Variants in PBLD observed in about 807,000 individuals in gnomAD.
PBLD encodes the protein phenazine biosynthesis-like domain-containing protein.
Under a neutral mutation model 31.3 loss-of-function variants are expected in PBLD, and 26 were observed. The ratio of observed to expected loss-of-function variants is 0.83; its 90% CI spans 0.61 to 1.15. The LOEUF (loss-of-function observed/expected upper bound fraction) is 1.15, where lower values mean the gene tolerates loss of function less well. PBLD is among the 50% of genes most tolerant of loss of function. PBLD has a pLI of 0.00. For synonymous variants in PBLD, 114 were observed against 129.0 expected, an observed-to-expected ratio of 0.88 and a Z score of 0.79; for missense variants, 307 against 351.7, an observed-to-expected ratio of 0.87 and a Z score of 1.02.
chr10:68,309,914 TCA>T (rs1253894649), intron 1 of PBLD, among the ~76,000 whole-genome samples: 1 of 149,480 alleles, frequency 6.7e-6, no homozygotes, highest in Non-Finnish European at 1.5e-5. Context: ...GGTGGGTGGA[TCA>T]CTTGATGTCA....
chr10:68,289,126 T>G, intron 6 of PBLD, 107 bp from the exon 7 acceptor site: 2 of 807,140 alleles, frequency 2.5e-6, no homozygotes, highest in South Asian at 1.5e-5. Flanking sequence ...GAGCCAAGCA[T>G]GCCCATCGTC....
intron 1 of PBLD, among the ~76,000 whole-genome samples, chr10:68,325,080 C>T (rs372355820): frequency 6.6e-6 from 1 of 150,890 alleles, no homozygotes; most frequent in South Asian, 2.1e-4. Flanking sequence ...CCTGTTTCTA[C>T]TGAAAATACA....
chr10:68,304,040 T>C (rs2044544246), intron 2 of PBLD, among the ~76,000 whole-genome samples: 1 of 152,208 alleles, frequency 6.6e-6, no homozygotes, highest in Non-Finnish European at 1.5e-5. Context: ...CTCTGGCTCC[T>C]AGCCCAGAGC....
In PBLD at chr10:68,288,646, G is replaced by A. The variant is rs761891027; in HGVS notation, c.528C>T (p.Asn176=). 6.2e-7 allele frequency: 1 copy of A among 1,613,894 alleles called. No individual in the cohort carries two copies. Among genetic ancestry groups the A allele is most frequent in the South Asian group, 1.1e-5 (1 of 91,016 alleles). The change falls in exon 8 of 10, where the codon AAC becomes AAT. Residue 176 remains asparagine, a synonymous_variant. Transcript: ENST00000358769. The part of the protein sequence containing the change: ...SDVYNRSFLE[N]LKVNTENLLQ... ...GCAGATTCTCCGTGTTCACTTTCAG[G>A]TTCTCCAGAAACGACCTTGTTCATA...
At position 68,288,591 on chromosome 10, in the gene PBLD, C is replaced by T; in HGVS notation, c.583G>A (p.Gly195Arg). Residue 195 changes from glycine (G) to arginine (R), a missense_variant, in exon 8 of 10, where the codon GGG becomes AGG. By Grantham distance (125) the Gly-to-Arg change is moderately radical. Transcript: ENST00000358769. Reference protein sequence around the residue: ...LQVENTGKVKGLILTLKGEPG... With the variant: ...LQVENTGKVKRLILTLKGEPG... ...TCTCCTTTAAGGGTAAGAATAAGCCCTTTCACCTTCCCTGTGTTTTCAACT... is the reference window on the plus strand; with the variant it reads ...TCTCCTTTAAGGGTAAGAATAAGCCTTTTCACCTTCCCTGTGTTTTCAACT... 2.5e-6 allele frequency: 4 copies of T among 1,614,184 alleles called. 1 individual carries two copies. Among genetic ancestry groups the T allele is most frequent in the South Asian group, 2.2e-5 (2 of 91,076 alleles).
intron 1 of PBLD, among the ~76,000 whole-genome samples, chr10:68,307,199 T>G (rs2044592998): frequency 6.6e-6 from 1 of 151,916 alleles, no homozygotes; most frequent in African/African-American, 2.4e-5. Flanking sequence ...CTGGCTAATT[T>G]CTGTGTTTTT....
intron 1 of PBLD, among the ~76,000 whole-genome samples, chr10:68,326,718 C>A (rs532496461): frequency 7.2e-4 from 110 of 152,252 alleles, no homozygotes; most frequent in Non-Finnish European, 1.1e-3. Flanking sequence ...AATCTCCACC[C>A]CCTATATAAT....
chr10:68,319,102 A>AGG (rs2044789559), intron 1 of PBLD, among the ~76,000 whole-genome samples: 1 of 135,720 alleles, frequency 7.4e-6, no homozygotes, highest in African/African-American at 3.0e-5. Context: ...AAAGAAAGAA[A>AGG]GAAAGAAAGG....
intron 4 of PBLD, among the ~76,000 whole-genome samples, chr10:68,295,550 T>C (rs112863456): frequency 1.1e-4 from 16 of 151,798 alleles, no homozygotes; most frequent in Admixed American, 5.9e-4. Flanking sequence ...TGAATTTCAA[T>C]GTGGGAGCGG....
At chr10:68,312,831 T>C (rs2044688984) in intron 1 of PBLD, among the ~76,000 whole-genome samples, 1 of 151,996 alleles carries the variant, frequency 6.6e-6, no homozygotes, top group Non-Finnish European at 1.5e-5. Context: ...CAGGATGGTC[T>C]CGATCTCCTG....
intron 2 of PBLD, among the ~76,000 whole-genome samples, chr10:68,303,960 G>C (rs1484689747): frequency 6.6e-6 from 1 of 152,134 alleles, no homozygotes; most frequent in Non-Finnish European, 1.5e-5. Flanking sequence ...ATAACGATGG[G>C]TTTACATGCC....
At chr10:68,321,601 G>C (rs2044835878) in intron 1 of PBLD, among the ~76,000 whole-genome samples, 1 of 152,180 alleles carries the variant, frequency 6.6e-6, no homozygotes, top group Non-Finnish European at 1.5e-5. Flanking sequence ...ACATTCTCTA[G>C]TAGTAAAAAG....
chr10:68,326,839 G>T lies in PBLD; in HGVS notation c.-60+5945C>A, dbSNP rs147366909. Reference sequence around the variant, plus strand: ...CGAGGCCAGTGGATCATGAGACCAGGAGATTGAGACCATCCTGGCCAACAT... The same window carrying T: ...CGAGGCCAGTGGATCATGAGACCAGTAGATTGAGACCATCCTGGCCAACAT... On this transcript the variant is annotated intron_variant, in intron 1 of 9. Coordinates refer to ENST00000358769, the MANE Select transcript of PBLD (RefSeq NM_022129.4). Among the ~76,000 whole-genome samples, 10 of 152,266 alleles carry T rather than the reference G, an allele frequency of 6.6e-5. No individual in the cohort carries two copies. In the South Asian group the frequency reaches 2.1e-3, roughly 32 times the overall value.
rs74826908 is a variant in PBLD, at chr10:68,314,180, T to C, written c.-59-7277A>G. On this transcript the variant is annotated intron_variant, in intron 1 of 9. Transcript: ENST00000358769. ...TTAGTAGAGATGGGGTTTCACTATG[T>C]TGGCCAAGCTGGTCTCAAAGTCCTT... Among the ~76,000 whole-genome samples, 77 of 152,272 alleles carry C rather than the reference T, an allele frequency of 5.1e-4. 4 individuals carry two copies. In the East Asian group the frequency reaches 0.015, roughly 29 times the overall value.
chr10:68,290,785 G>A (rs1046658178), intron 6 of PBLD, among the ~76,000 whole-genome samples: 12 of 152,138 alleles, frequency 7.9e-5, no homozygotes, highest in African/African-American at 2.9e-4. Flanking sequence ...AACACAAAAT[G>A]GCAATACTTA....
At chr10:68,327,552 C>T (rs1485320129) in intron 1 of PBLD, among the ~76,000 whole-genome samples, 1 of 151,534 alleles carries the variant, frequency 6.6e-6, no homozygotes, top group Non-Finnish European at 1.5e-5. Flanking sequence ...GTCATGCATG[C>T]CTGTAATCCC....
chr10:68,324,379 G>A (rs1369192502), intron 1 of PBLD, among the ~76,000 whole-genome samples: 1 of 152,058 alleles, frequency 6.6e-6, no homozygotes, highest in African/African-American at 2.4e-5. Context: ...GTTTCACCAT[G>A]TTGGCCAGGA....
chr10:68,324,308 C>G (rs1011322504), intron 1 of PBLD, among the ~76,000 whole-genome samples: 2 of 152,044 alleles, frequency 1.3e-5, no homozygotes, highest in African/African-American at 4.8e-5. Context: ...TCTCAAGTAG[C>G]TGGGACTACA....
chr10:68,326,851 A>G (rs1222192752), intron 1 of PBLD, among the ~76,000 whole-genome samples: 2 of 152,192 alleles, frequency 1.3e-5, no homozygotes, highest in Admixed American at 6.5e-5. Context: ...GATTGAGACC[A>G]TCCTGGCCAA....
Sources: allele counts gnomAD v4.1 joint callset (sites outside exome capture counted in the v4.1 genomes callset), GRCh38; gene constraint gnomAD v4.1.1; transcripts MANE v1.5; gene names NCBI Gene and HGNC (gene_info 2026-07-23, HGNC 2026-07-21).